PDE11A: variants seen among roughly 807,000 people sequenced by gnomAD.
The protein encoded by PDE11A is dual 3',5'-cyclic-AMP and -GMP phosphodiesterase 11A.
PDE11A carries 100 observed loss-of-function variants against 100.5 expected under a neutral mutation model. The ratio of observed to expected loss-of-function variants is 1.00; its 90% CI spans 0.85 to 1.18. The LOEUF is 1.18. PDE11A is among the 50% of genes most tolerant of loss of function. The pLI is 0.00. For synonymous variants in PDE11A, 381 were observed against 420.8 expected, an observed-to-expected ratio of 0.91 and a Z score of 1.16; for missense variants, 1,141 against 1,152.6, an observed-to-expected ratio of 0.99 and a Z score of 0.15.
chr2:177,818,954 C>CATAT (rs58051939), intron 7 of PDE11A, among the ~76,000 whole-genome samples: 38,806 of 151,354 alleles, frequency 0.26, 5,209 homozygotes, highest in African/African-American at 0.34. Flanking sequence ...TGCAAGAAGA[C>CATAT]ATATATATAT....
chr2:178,052,426 T>G lies in PDE11A; in HGVS notation c.912+19100A>C, dbSNP rs899833404. 5.6e-4 allele frequency among the ~76,000 whole-genome samples: 85 copies of G among 152,160 alleles called. 1 individual carries two copies. The highest frequency in any genetic ancestry group is 5.9e-5 in the Non-Finnish European group (4 of 68,010). On this transcript the variant is annotated intron_variant, in intron 1 of 19. Coordinates refer to ENST00000286063, the MANE Select transcript of PDE11A (RefSeq NM_016953.4). ...GGAGAAAGCAGGAAAGATCTAAAAT[T>G]GACCCCCTAACATCACAATTAAAAG...
chr2:178,016,123 C>T (rs888055885), intron 1 of PDE11A, among the ~76,000 whole-genome samples: 1 of 141,812 alleles, frequency 7.1e-6, no homozygotes, highest in African/African-American at 2.6e-5. Context: ...AGCCATCATG[C>T]CTGGCTAATT....
intron 9 of PDE11A, among the ~76,000 whole-genome samples, chr2:177,771,604 G>A (rs1488313510): frequency 1.3e-5 from 2 of 152,116 alleles, no homozygotes; most frequent in South Asian, 2.1e-4. Context: ...CTAACAAGGA[G>A]TCTACTTTTA....
At chr2:177,701,601 C>T (rs1315442914) in intron 13 of PDE11A, among the ~76,000 whole-genome samples, 4 of 152,150 alleles carry the variant, frequency 2.6e-5, no homozygotes, top group Admixed American at 6.5e-5. Flanking sequence ...GTGCTATGGA[C>T]GTTCTGAGGA....
intron 1 of PDE11A, among the ~76,000 whole-genome samples, chr2:178,017,698 C>T (rs571423256): frequency 7.2e-5 from 11 of 152,270 alleles, no homozygotes; most frequent in Non-Finnish European, 1.3e-4. Flanking sequence ...CAGTGGATCA[C>T]GCCTGTAATC....
At chr2:178,084,547 A>G (rs2087324744) in intron 2 of PDE11A, among the ~76,000 whole-genome samples, 1 of 152,254 alleles carries the variant, frequency 6.6e-6, no homozygotes, top group Non-Finnish European at 1.5e-5. Context: ...GAATGCAGAC[A>G]TGAGCAAGTC....
At position 177,870,937 on chromosome 2, in the gene PDE11A, C is replaced by A. The variant is rs181688060; in HGVS notation, c.1367+4922G>T. Among the ~76,000 whole-genome samples the A allele has an allele frequency of 4.6e-5, 7 of 152,248 alleles. No homozygotes were observed. In the South Asian group the frequency reaches 1.5e-3, roughly 32 times the overall value. On this transcript the variant is annotated intron_variant, in intron 5 of 19. Coordinates refer to ENST00000286063, the MANE Select transcript of PDE11A (RefSeq NM_016953.4). The stretch of plus-strand genomic sequence containing the variant: ...AAAAGTATTCATTCTGGAAATAGAA[C>A]CTCTTTTAGTTCTAATTCCTTATTG...
chr2:177,961,631 G>A (rs1440515520), intron 2 of PDE11A, among the ~76,000 whole-genome samples: 1 of 151,554 alleles, frequency 6.6e-6, no homozygotes, highest in African/African-American at 2.4e-5. Flanking sequence ...TACCTGTTAT[G>A]TTTTGGTCTT....
chr2:177,936,989 C>T (rs567340348), intron 2 of PDE11A, among the ~76,000 whole-genome samples: 12 of 151,994 alleles, frequency 7.9e-5, no homozygotes, highest in Non-Finnish European at 1.8e-4. Context: ...TGATACTTCT[C>T]GGAGCTTCAA....
chr2:177,850,008 T>C (rs1343977461), intron 5 of PDE11A, among the ~76,000 whole-genome samples: 3 of 152,192 alleles, frequency 2.0e-5, no homozygotes, highest in Non-Finnish European at 4.4e-5. Context: ...TACCATTGAC[T>C]TTCTTCACAG....
intron 2 of PDE11A, among the ~76,000 whole-genome samples, chr2:177,910,673 C>T (rs1281955516): frequency 1.3e-5 from 2 of 152,092 alleles, no homozygotes; most frequent in Non-Finnish European, 2.9e-5. Flanking sequence ...TACAACATCC[C>T]ACTCAGAAAG....
intron 6 of PDE11A, among the ~76,000 whole-genome samples, chr2:177,832,059 T>G (rs1013333849): frequency 6.6e-6 from 1 of 152,074 alleles, no homozygotes; most frequent in African/African-American, 2.4e-5. Flanking sequence ...CAGGTGATGG[T>G]CAGGTGGTTG....
At chr2:177,657,258 G>A (rs77297319) in intron 19 of PDE11A, among the ~76,000 whole-genome samples, 7 of 152,182 alleles carry the variant, frequency 4.6e-5, no homozygotes, top group Non-Finnish European at 1.0e-4. Context: ...ACATTATTAT[G>A]TAACAAGGAC....
chr2:177,780,804 A>G (rs1466963099), intron 9 of PDE11A, among the ~76,000 whole-genome samples: 2 of 152,184 alleles, frequency 1.3e-5, no homozygotes, highest in African/African-American at 4.8e-5. Flanking sequence ...GAAGAGAATT[A>G]GGGCCTTGAT....
rs755519618 is a variant in PDE11A, at chr2:177,982,144, T to C, written c.1071+32158A>G. Among the ~76,000 whole-genome samples the C allele has an allele frequency of 3.3e-5, 5 of 150,974 alleles. 1 individual carries two copies. Among genetic ancestry groups the C allele is most frequent in the Admixed American group, 6.6e-5 (1 of 15,128 alleles). ...CTCTTTAATGGAACTTCAATGAATATAAATTACATACTTACTAATCAAAAT... is the reference window on the plus strand; with the variant it reads ...CTCTTTAATGGAACTTCAATGAATACAAATTACATACTTACTAATCAAAAT... On this transcript the variant is annotated intron_variant, in intron 2 of 19. Transcript: ENST00000286063.
intron 2 of PDE11A, among the ~76,000 whole-genome samples, chr2:177,923,747 T>A (rs1325442422): frequency 6.6e-6 from 1 of 152,186 alleles, no homozygotes; most frequent in East Asian, 1.9e-4. Flanking sequence ...TTGAGAAAGT[T>A]ATAATTAACC....
intron 6 of PDE11A, among the ~76,000 whole-genome samples, chr2:177,838,336 C>T (rs2083437428): frequency 6.6e-6 from 1 of 152,008 alleles, no homozygotes; most frequent in Non-Finnish European, 1.5e-5. Flanking sequence ...TTTCTTCTGT[C>T]TGTCTACATA....
At chr2:177,811,289 C>A (rs1279085123) in intron 9 of PDE11A, among the ~76,000 whole-genome samples, 2 of 152,018 alleles carry the variant, frequency 1.3e-5, no homozygotes, top group African/African-American at 4.8e-5. Flanking sequence ...AAATCAGGAT[C>A]ATGAAATTAA....
intron 1 of PDE11A, among the ~76,000 whole-genome samples, chr2:178,020,482 A>T (rs1394533900): frequency 6.6e-6 from 1 of 152,192 alleles, no homozygotes; most frequent in Non-Finnish European, 1.5e-5. Flanking sequence ...AATCCACCTG[A>T]TAAACTGATA....
Sources: allele counts gnomAD v4.1 joint callset (sites outside exome capture counted in the v4.1 genomes callset), GRCh38; gene constraint gnomAD v4.1.1; transcripts MANE v1.5; gene names NCBI Gene and HGNC (gene_info 2026-07-23, HGNC 2026-07-21).